Variants in MTUS2 observed in about 807,000 individuals in gnomAD.
MTUS2 encodes microtubule associated scaffold protein 2, also known as microtubule-associated tumor suppressor candidate 2.
Under a neutral mutation model 114.1 loss-of-function variants are expected in MTUS2, and 40 were observed. The ratio of observed to expected loss-of-function variants is 0.35; its 90% CI spans 0.27 to 0.46. The LOEUF is 0.46. Among genes scored for constraint, MTUS2 ranks in the 20% least tolerant of loss-of-function variants. The probability of loss-of-function intolerance (pLI) is 1.00; values close to 1 mark genes in which losing one functional copy is unlikely to be tolerated. For missense variants in MTUS2, 1,679 were observed against 1,705.4 expected (o/e 0.98, Z 0.27); for synonymous variants, 688 against 672.0 (o/e 1.02, Z -0.37).
intron 5 of MTUS2, among the ~76,000 whole-genome samples, chr13:29,268,451 G>A (rs1397986073): frequency 1.3e-5 from 2 of 152,028 alleles, no homozygotes; most frequent in Non-Finnish European, 2.9e-5. Flanking sequence ...CGATGCTCCC[G>A]AGTCCCTCCA....
At chr13:29,438,351 T>G (rs1877569952) in intron 8 of MTUS2, among the ~76,000 whole-genome samples, 1 of 152,192 alleles carries the variant, frequency 6.6e-6, no homozygotes, top group Non-Finnish European at 1.5e-5. Context: ...TTAGTGTCTT[T>G]GGGATGCTGT....
At chr13:29,327,219 A>G (rs1265920627) in intron 7 of MTUS2, among the ~76,000 whole-genome samples, 1 of 152,216 alleles carries the variant, frequency 6.6e-6, no homozygotes, top group Non-Finnish European at 1.5e-5. Flanking sequence ...TTATAGTTGT[A>G]AAACATATCT....
intron 2 of MTUS2, among the ~76,000 whole-genome samples, chr13:28,944,491 T>A (rs1246927801): frequency 6.6e-6 from 1 of 152,228 alleles, no homozygotes; most frequent in East Asian, 1.9e-4. Flanking sequence ...CCCAACCATT[T>A]GTTCAATGTT....
chr13:29,436,386 C>T (rs1054072403), intron 8 of MTUS2, among the ~76,000 whole-genome samples: 2 of 152,088 alleles, frequency 1.3e-5, no homozygotes, highest in East Asian at 1.9e-4. Flanking sequence ...AAATAAGACC[C>T]GGGATGCTCT....
rs1299349242 is a variant in MTUS2, at chr13:29,480,091, G to A, written c.3185-59G>A. 2 of 1,520,288 alleles carry A rather than the reference G, an allele frequency of 1.3e-6. No individual in the cohort carries two copies. 94.2% of individuals were successfully genotyped at this position (1,520,288 alleles called of 1,614,324 possible). ...TTGATGATCTGACCATGGAGGCTGA[G>A]TCCTTCCCATGCCTCCTACGGCCAT... is the stretch of plus-strand genomic sequence containing the variant. On this transcript the variant is annotated intron_variant, in intron 9 of 15. Coordinates refer to ENST00000612955, the MANE Select transcript of MTUS2 (RefSeq NM_001033602.4). The surrounding 1 kb of genome is among the most constrained non-coding windows in gnomAD (Gnocchi z 4.4).
intron 1 of MTUS2, among the ~76,000 whole-genome samples, chr13:28,827,419 C>T (rs1874340523): frequency 6.6e-6 from 1 of 152,062 alleles, no homozygotes; most frequent in Admixed American, 6.6e-5. Flanking sequence ...AATACATTGT[C>T]CTCTACCCCC....
chr13:29,462,600 A>G (rs753427375), intron 9 of MTUS2, among the ~76,000 whole-genome samples: 1 of 152,126 alleles, frequency 6.6e-6, no homozygotes, highest in Non-Finnish European at 1.5e-5. Context: ...GTAATTTGAA[A>G]GTCAGTGGGA....
chr13:29,336,652 G>C (rs1901079375), intron 7 of MTUS2, among the ~76,000 whole-genome samples: 1 of 152,222 alleles, frequency 6.6e-6, no homozygotes, highest in Admixed American at 6.5e-5. Flanking sequence ...CTGTTCCTTA[G>C]CTGAGCTCCA....
intron 2 of MTUS2, among the ~76,000 whole-genome samples, chr13:29,011,918 C>G (rs1885860851): frequency 6.6e-6 from 1 of 152,116 alleles, no homozygotes; most frequent in Admixed American, 6.5e-5. Flanking sequence ...ATATGAGCTT[C>G]TGATGAAAGA....
intron 5 of MTUS2, among the ~76,000 whole-genome samples, chr13:29,252,843 G>A (rs529433911): frequency 2.2e-4 from 34 of 151,862 alleles, no homozygotes; most frequent in Non-Finnish European, 3.7e-4. Flanking sequence ...TGTAAGACCT[G>A]CCTTTCGCCT....
chr13:29,138,884 T>C (rs1483347954), intron 5 of MTUS2, among the ~76,000 whole-genome samples: 1 of 152,202 alleles, frequency 6.6e-6, no homozygotes, highest in Non-Finnish European at 1.5e-5. Context: ...AGTTATTTAA[T>C]AAGGTATTAT....
At chr13:29,404,502 C>T (rs1423724160) in intron 8 of MTUS2, among the ~76,000 whole-genome samples, 1 of 152,132 alleles carries the variant, frequency 6.6e-6, no homozygotes, top group Admixed American at 6.6e-5. Context: ...ACTTGAGATT[C>T]AAGACCAGTA....
intron 6 of MTUS2, among the ~76,000 whole-genome samples, chr13:29,294,792 A>G (rs578079651): frequency 1.3e-5 from 2 of 152,334 alleles, no homozygotes; most frequent in East Asian, 3.9e-4. Flanking sequence ...GGTTTTTGTT[A>G]TGGATCAGTC....
intron 2 of MTUS2, among the ~76,000 whole-genome samples, chr13:29,006,336 C>G (rs1885599541): frequency 6.6e-6 from 1 of 152,204 alleles, no homozygotes; most frequent in Non-Finnish European, 1.5e-5. Context: ...GTGGCCCAAT[C>G]AACAAGGTAC....
At chr13:28,980,084 T>C (rs944415466) in intron 2 of MTUS2, among the ~76,000 whole-genome samples, 1 of 152,178 alleles carries the variant, frequency 6.6e-6, no homozygotes. Context: ...AATAATTAGA[T>C]GATGAATTTT....
chr13:29,206,952 C>T (rs9314939), intron 5 of MTUS2, among the ~76,000 whole-genome samples: 26,473 of 151,844 alleles, frequency 0.17, 2,393 homozygotes, highest in East Asian at 0.38. Context: ...AGAATGATGG[C>T]GGTATTTTGA....
At chr13:29,470,810 T>C (rs970770502) in intron 9 of MTUS2, among the ~76,000 whole-genome samples, 8 of 152,184 alleles carry the variant, frequency 5.3e-5, no homozygotes. Flanking sequence ...CTCCGCAGTA[T>C]GCTAGAATTT....
intron 2 of MTUS2, among the ~76,000 whole-genome samples, chr13:28,863,496 A>G (rs994364279): frequency 4.6e-5 from 7 of 152,168 alleles, no homozygotes; most frequent in Non-Finnish European, 8.8e-5. Flanking sequence ...AGAGGGTATT[A>G]GTAAACACCG....
intron 8 of MTUS2, among the ~76,000 whole-genome samples, chr13:29,385,312 C>T (rs181538135): frequency 7.2e-5 from 11 of 152,186 alleles, no homozygotes; most frequent in East Asian, 3.9e-4. Flanking sequence ...CTCTGAAGAG[C>T]GATGCTCAGA....
Sources: allele counts gnomAD v4.1 joint callset (sites outside exome capture counted in the v4.1 genomes callset), GRCh38; gene constraint gnomAD v4.1.1; non-coding constraint Gnocchi (gnomAD v3.1); transcripts MANE v1.5; gene names NCBI Gene and HGNC (gene_info 2026-07-23, HGNC 2026-07-21).